The following LINGO2 variants were observed in gnomAD, a reference collection of about 807,000 sequenced individuals.
LINGO2 encodes leucine rich repeat and Ig domain containing 2.
In LINGO2, 14 loss-of-function variants were observed where a neutral mutation model predicts 30.6. The ratio of observed to expected loss-of-function variants is 0.46; its 90% confidence interval spans 0.30 to 0.72. The LOEUF (loss-of-function observed/expected upper bound fraction) is 0.72. Among genes scored for constraint, LINGO2 ranks in the 30% least tolerant of loss-of-function variants. The pLI is 0.07. For missense variants in LINGO2, 729 were observed against 751.7 expected (o/e 0.97, Z 0.35); for synonymous variants, 317 against 288.5 (o/e 1.10, Z -1.00).
the LINGO2 span, among the ~76,000 whole-genome samples, chr9:28,972,130 A>T: frequency 1.3e-5 from 2 of 152,240 alleles, no homozygotes; most frequent in African/African-American, 4.8e-5. Context: ...TTAGACCACA[A>T]CATGCAAGTC....
intron 5 of LINGO2, among the ~76,000 whole-genome samples, chr9:27,999,762 A>T (rs2119124171): frequency 6.6e-6 from 1 of 152,266 alleles, no homozygotes; most frequent in South Asian, 2.1e-4. Context: ...AGAGAGGTAG[A>T]TGCTGACTTC....
At chr9:28,843,047 A>T in the LINGO2 span, among the ~76,000 whole-genome samples, 1 of 151,864 alleles carries the variant, frequency 6.6e-6, no homozygotes, top group Non-Finnish European at 1.5e-5. Context: ...ATGAAACTGA[A>T]CTACGACAAC....
intron 2 of LINGO2, among the ~76,000 whole-genome samples, chr9:28,396,413 G>A (rs904207844): frequency 5.3e-5 from 8 of 152,006 alleles, no homozygotes; most frequent in African/African-American, 1.7e-4. Flanking sequence ...TATTTAAGAA[G>A]TCCTGATTAG....
At chr9:28,385,066 T>C (rs536282235) in intron 2 of LINGO2, among the ~76,000 whole-genome samples, 14 of 152,264 alleles carry the variant, frequency 9.2e-5, no homozygotes, top group Non-Finnish European at 2.1e-4. Flanking sequence ...TGTACTAAGC[T>C]AGACACTGGG....
the LINGO2 span, among the ~76,000 whole-genome samples, chr9:28,835,873 G>C: frequency 6.6e-6 from 1 of 151,986 alleles, no homozygotes; most frequent in African/African-American, 2.4e-5. Flanking sequence ...TTCTATTACT[G>C]CACTTATCAC....
chr9:29,177,309 A>T, the LINGO2 span, among the ~76,000 whole-genome samples: 1 of 152,180 alleles, frequency 6.6e-6, no homozygotes, highest in Non-Finnish European at 1.5e-5. Flanking sequence ...CTTTCACTGG[A>T]ATTTATAGTT....
At chr9:28,007,776 C>G (rs1399969614) in intron 5 of LINGO2, among the ~76,000 whole-genome samples, 3 of 152,056 alleles carry the variant, frequency 2.0e-5, no homozygotes, top group Non-Finnish European at 4.4e-5. Context: ...GGCAAACACA[C>G]CAATTTTTAT....
chr9:28,202,658 C>T (rs977372429), intron 4 of LINGO2, among the ~76,000 whole-genome samples: 1 of 152,016 alleles, frequency 6.6e-6, no homozygotes, highest in Non-Finnish European at 1.5e-5. Context: ...GCAGAAAAAC[C>T]CTGGCTCAAA....
the LINGO2 span, among the ~76,000 whole-genome samples, chr9:28,710,490 T>C: frequency 2.6e-5 from 4 of 152,208 alleles, no homozygotes; most frequent in East Asian, 7.7e-4. Context: ...GCTAGAGATA[T>C]TTACGTGACT....
chr9:28,660,415 T>C (rs1243531412), intron 1 of LINGO2, among the ~76,000 whole-genome samples: 2 of 152,074 alleles, frequency 1.3e-5, no homozygotes, highest in Non-Finnish European at 1.5e-5. Context: ...GCATTTGTAA[T>C]AAATGTAAAT....
At chr9:27,996,782 T>C (rs1455027768) in intron 5 of LINGO2, among the ~76,000 whole-genome samples, 2 of 152,186 alleles carry the variant, frequency 1.3e-5, no homozygotes, top group South Asian at 4.1e-4. Context: ...AAAGAAGTGA[T>C]AAATGTTTGA....
At chr9:28,612,186 A>C (rs996778215) in intron 1 of LINGO2, among the ~76,000 whole-genome samples, 12 of 152,044 alleles carry the variant, frequency 7.9e-5, no homozygotes, top group African/African-American at 2.9e-4. Flanking sequence ...CTGTGCCTTC[A>C]GAGTAGCTGA....
chr9:28,897,267 G>A, the LINGO2 span, among the ~76,000 whole-genome samples: 2 of 152,148 alleles, frequency 1.3e-5, no homozygotes, highest in South Asian at 2.1e-4. Context: ...ATTAGAGAGA[G>A]CAGGCATAAA....
At chr9:29,068,773 G>A in the LINGO2 span, among the ~76,000 whole-genome samples, 22 of 151,928 alleles carry the variant, frequency 1.4e-4, no homozygotes, top group East Asian at 4.1e-3. Context: ...ATGGACAGAT[G>A]TTAAATTCTA....
At position 28,415,201 on chromosome 9, in the gene LINGO2, T is replaced by TA. The variant is rs547257539; in HGVS notation, c.-278-42334dup. On this transcript the variant is annotated intron_variant, in intron 2 of 5. Coordinates refer to ENST00000379992, the Ensembl canonical transcript of LINGO2. ...CGTGCTAGTTCCTTCTATTTTTAGT[T>TA]AAAAAAAGTTCACTCCCATAATGCA... 2.3e-3 allele frequency among the ~76,000 whole-genome samples: 351 copies of TA among 152,128 alleles called. 2 individuals are homozygous for TA. The highest frequency in any genetic ancestry group is 8.0e-3 in the African/African-American group (331 of 41,536).
chr9:28,148,205 G>A lies in LINGO2; in HGVS notation c.-86-135800C>T, dbSNP rs1294005345. 30 of 725,456 alleles carry A rather than the reference G, an allele frequency of 4.1e-5. No individual in the cohort carries two copies. The South Asian group carries it at 4.3e-4, about 10-fold the overall frequency. The allele number at this position is 725,456 out of a possible 1,614,324, so 44.9% of individuals were successfully genotyped here. On this transcript the variant is annotated intron_variant, in intron 4 of 5. Transcript: ENST00000379992. The surrounding 1 kb of genome is among the most constrained non-coding windows in gnomAD (Gnocchi z 5.1). ...TTCTTTTCCAGTCAGTTGGGACGGC[G>A]CCCCTATGAGGCTGTGTCTTATCCC...
At chr9:28,873,934 T>C in the LINGO2 span, among the ~76,000 whole-genome samples, 1 of 151,886 alleles carries the variant, frequency 6.6e-6, no homozygotes, top group Non-Finnish European at 1.5e-5. Flanking sequence ...TAATATCTAA[T>C]ACTAATTGAA....
intron 4 of LINGO2, among the ~76,000 whole-genome samples, chr9:28,104,255 G>GTTTTTTTTT (rs1453019033): frequency 1.6e-4 from 12 of 75,162 alleles, no homozygotes; most frequent in South Asian, 5.3e-4. Flanking sequence ...CCCAGTACAA[G>GTTTTTTTTT]TTTTTTGTTT....
chr9:28,927,346 AC>A, the LINGO2 span, among the ~76,000 whole-genome samples: 3 of 152,210 alleles, frequency 2.0e-5, no homozygotes, highest in African/African-American at 7.2e-5. Flanking sequence ...AGAGCATCAG[AC>A]CAAAGACTCT....
Sources: allele counts gnomAD v4.1 joint callset (sites outside exome capture counted in the v4.1 genomes callset), GRCh38; gene constraint gnomAD v4.1.1; non-coding constraint Gnocchi (gnomAD v3.1); transcripts MANE v1.5; gene names NCBI Gene and HGNC (gene_info 2026-07-23, HGNC 2026-07-21).